STK3: variants seen among roughly 807,000 people sequenced by gnomAD.
The protein encoded by STK3 is serine/threonine-protein kinase 3.
A neutral mutation model predicts 58.0 loss-of-function variants in STK3; 41 were observed. The observed-to-expected ratio is 0.71, with a 90% confidence interval of 0.55 to 0.92. The LOEUF is 0.92. Ranked by LOEUF, STK3 falls within the 40% of genes least tolerant of loss-of-function variation. The probability of loss-of-function intolerance (pLI) is 0.00; values close to 1 mark genes in which losing one functional copy is unlikely to be tolerated. For missense variants in STK3, 479 were observed against 602.7 expected (o/e 0.79, Z 2.15); for synonymous variants, 170 against 191.0 (o/e 0.89, Z 0.91).
At chr8:98,907,167 C>CA (rs1838943105) in intron 1 of STK3, among the ~76,000 whole-genome samples, 1 of 144,838 alleles carries the variant, frequency 6.9e-6, no homozygotes, top group Non-Finnish European at 1.5e-5. Flanking sequence ...CAAAAGCAAC[C>CA]AAAAAACAAA....
the STK3 span, among the ~76,000 whole-genome samples, chr8:98,362,093 C>T: frequency 2.6e-5 from 4 of 152,094 alleles, no homozygotes; most frequent in South Asian, 2.1e-4. Context: ...GTTCCTTCCT[C>T]CCAGAAGGAA....
At chr8:98,406,224 CATTTTATTTTATTTT>C (rs56220187) in intron 3 of STK3, among the ~76,000 whole-genome samples, 11,608 of 142,436 alleles carry the variant, frequency 0.081, 824 homozygotes, top group African/African-American at 0.18. Context: ...TCCCCCCAGG[CATTTTATTTTATTTT>C]ATTTTATTTT....
intron 4 of STK3, among the ~76,000 whole-genome samples, chr8:98,733,534 T>G (rs568385049): frequency 6.6e-6 from 1 of 152,342 alleles, no homozygotes; most frequent in African/African-American, 2.4e-5. Context: ...CCTGAAACTA[T>G]CACCCCCATC....
chr8:98,611,397 AC>A (rs982099553), intron 6 of STK3, among the ~76,000 whole-genome samples: 12 of 152,152 alleles, frequency 7.9e-5, no homozygotes, highest in Non-Finnish European at 8.8e-5. Flanking sequence ...TCAGAAAAAA[AC>A]AATAGATCTC....
In STK3 at chr8:98,559,413, C is replaced by T. The variant is rs142575131; in HGVS notation, c.949-11252G>A. On this transcript the variant is annotated intron_variant, in intron 8 of 10. Transcript: ENST00000419617. ...TAAACGCAGTATTCCATGGTGAACA[C>T]AGAGGAGCACTTGCCAAACTGAAGC... Among the ~76,000 whole-genome samples the T allele has an allele frequency of 9.2e-3, 1,399 of 152,180 alleles. 17 individuals are homozygous for T. The highest frequency in any genetic ancestry group is 0.032 in the African/African-American group (1,322 of 41,526).
chr8:98,405,957 A>G (rs1264734756), intron 3 of STK3, among the ~76,000 whole-genome samples: 1 of 152,178 alleles, frequency 6.6e-6, no homozygotes, highest in African/African-American at 2.4e-5. Flanking sequence ...GGAATTCAAC[A>G]TGAGATTTCG....
chr8:98,764,242 C>T (rs1433512228), intron 3 of STK3, among the ~76,000 whole-genome samples: 1 of 152,190 alleles, frequency 6.6e-6, no homozygotes, highest in Non-Finnish European at 1.5e-5. Context: ...GTATTCTTTA[C>T]TTTTCTTTCC....
rs535892059 is a variant in STK3, at chr8:98,842,063, A to G, written c.110+41584T>C. The stretch of plus-strand genomic sequence containing the variant: ...ATATAACAAGCTCCATAAAATACAT[A>G]GAAATAATCCAAAAGAAAACTATAT... On this transcript the variant is annotated intron_variant, in intron 3 of 12. Coordinates refer to the STK3 transcript ENST00000523601. Among the ~76,000 whole-genome samples, 71 of 152,240 alleles carry G rather than the reference A, an allele frequency of 4.7e-4. 1 individual carries two copies. The highest frequency in any genetic ancestry group is 1.4e-3 in the African/African-American group (60 of 41,578).
chr8:98,716,477 G>A (rs1827024779), intron 4 of STK3, among the ~76,000 whole-genome samples: 1 of 151,656 alleles, frequency 6.6e-6, no homozygotes, highest in East Asian at 1.9e-4. Context: ...CACCAAGGAG[G>A]TGAAATATCT....
chr8:98,350,343 T>G, the STK3 span, among the ~76,000 whole-genome samples: 1 of 152,196 alleles, frequency 6.6e-6, no homozygotes, highest in African/African-American at 2.4e-5. Flanking sequence ...ATTGTCTGTA[T>G]CATTATCAGC....
intron 1 of STK3, chr8:98,905,271 A>G (rs1409923410): frequency 2.4e-6 from 2 of 832,946 alleles, no homozygotes; most frequent in Non-Finnish European, 4.2e-6. Context: ...CTGTGTTGTC[A>G]AGGCCCCTGA....
chr8:98,428,929 C>A lies in STK3; in HGVS notation n.483+5198G>T, dbSNP rs764260125. On this transcript the variant is annotated intron_variant and non_coding_transcript_variant, in intron 3 of 3. Transcript: ENST00000517832. This position sits in a 1 kb window ranked among gnomAD's most constrained non-coding sequence, Gnocchi z 6.7. Reference sequence around the variant, plus strand: ...GCCAGGCACTCCACTGGCCTCCGCTCCCTGGGGGCCACTTTGAAATACAGC... The same window carrying A: ...GCCAGGCACTCCACTGGCCTCCGCTACCTGGGGGCCACTTTGAAATACAGC... 6.2e-7 allele frequency: 1 copy of A among 1,614,106 alleles called. No individual in the cohort carries two copies. The highest frequency in any genetic ancestry group is 1.3e-5 in the African/African-American group (1 of 75,036).
intron 7 of STK3, among the ~76,000 whole-genome samples, chr8:98,589,157 G>T (rs1015674870): frequency 2.6e-5 from 4 of 152,194 alleles, no homozygotes; most frequent in Non-Finnish European, 4.4e-5. Flanking sequence ...GCATTCCTTT[G>T]GAGGAGGAGA....
At chr8:98,427,751 C>T (rs1818258935) in intron 3 of STK3, 1 of 499,696 alleles carries the variant, frequency 2.0e-6, no homozygotes, top group Non-Finnish European at 3.5e-6. Context: ...TGGAGCTGTG[C>T]TAATAGAAAC....
intron 1 of STK3, among the ~76,000 whole-genome samples, chr8:98,890,512 C>G (rs1838156413): frequency 6.6e-6 from 1 of 152,154 alleles, no homozygotes. Context: ...AAACACCAAC[C>G]AGACCCAGGC....
intron 3 of STK3, among the ~76,000 whole-genome samples, chr8:98,751,256 G>T (rs889696600): frequency 1.6e-4 from 25 of 152,152 alleles, no homozygotes; most frequent in African/African-American, 5.8e-4. Context: ...CCTGGCAAGG[G>T]CAATCAGGCA....
At chr8:98,360,514 T>C in the STK3 span, among the ~76,000 whole-genome samples, 1 of 144,400 alleles carries the variant, frequency 6.9e-6, no homozygotes, top group African/African-American at 2.5e-5. Context: ...CCAATTTCTT[T>C]CTTTTTTTTT....
Position 98,487,685 on chromosome 8 carries a change from G to T in STK3, c.1318-31685C>A, listed in dbSNP as rs561790886. ...TAACTAAAAATGAAGTGGCTCTAGT[G>T]GCTCCCCCTGTAGTTACACAGAACA... On this transcript the variant is annotated intron_variant, in intron 10 of 10. Coordinates refer to ENST00000419617, the MANE Select transcript of STK3 (RefSeq NM_006281.4). Among the ~76,000 whole-genome samples, 28 of 152,240 alleles carry T rather than the reference G, an allele frequency of 1.8e-4. 1 individual carries two copies. The South Asian group carries it at 3.3e-3, about 18-fold the overall frequency.
chr8:98,608,558 T>C, intron 6 of STK3, among the ~76,000 whole-genome samples: 1 of 152,230 alleles, frequency 6.6e-6, no homozygotes. Flanking sequence ...TGGTATATAG[T>C]TTATTTTTTC....
Sources: allele counts gnomAD v4.1 joint callset (sites outside exome capture counted in the v4.1 genomes callset), GRCh38; gene constraint gnomAD v4.1.1; non-coding constraint Gnocchi (gnomAD v3.1); transcripts MANE v1.5; gene names NCBI Gene and HGNC (gene_info 2026-07-23, HGNC 2026-07-21).